Variants in GBE1 observed in about 807,000 individuals in gnomAD.
The protein encoded by GBE1 is 1,4-alpha-glucan branching enzyme 1.
Under a neutral mutation model 88.8 loss-of-function variants are expected in GBE1, and 70 were observed. The observed-to-expected ratio is 0.79, with a 90% CI of 0.65 to 0.96. GBE1 has a LOEUF of 0.96. Ranked by LOEUF, GBE1 falls within the 40% of genes least tolerant of loss-of-function variation. The probability of loss-of-function intolerance (pLI) is 0.00; values close to 1 mark genes in which losing one functional copy is unlikely to be tolerated. For missense variants in GBE1, 872 were observed against 871.0 expected, an observed-to-expected ratio of 1.00 and a Z score of -0.01; for synonymous variants, 284 against 300.1, an observed-to-expected ratio of 0.95 and a Z score of 0.56.
intron 1 of GBE1, among the ~76,000 whole-genome samples, chr3:81,723,073 G>A (rs779773847): frequency 5.3e-5 from 8 of 151,458 alleles, no homozygotes; most frequent in African/African-American, 1.7e-4. Context: ...TGAAAAAAAC[G>A]TGGTACCTGT....
intron 2 of GBE1, among the ~76,000 whole-genome samples, chr3:81,690,674 C>T (rs1705507255): frequency 6.6e-6 from 1 of 152,096 alleles, no homozygotes; most frequent in South Asian, 2.1e-4. Flanking sequence ...CCATGAAACA[C>T]AAATTTAAAT....
At chr3:81,524,444 C>T (rs1163342510) in intron 14 of GBE1, among the ~76,000 whole-genome samples, 1 of 151,860 alleles carries the variant, frequency 6.6e-6, no homozygotes, top group Non-Finnish European at 1.5e-5. Flanking sequence ...ATTGTCTCTT[C>T]CCTGTTTCCT....
At chr3:81,498,073 A>G (rs1702541290) in intron 15 of GBE1, among the ~76,000 whole-genome samples, 1 of 152,146 alleles carries the variant, frequency 6.6e-6, no homozygotes, top group Admixed American at 6.6e-5. Context: ...GGCAACACCT[A>G]ATTCTCATAG....
At chr3:81,555,419 A>G (rs992416528) in intron 12 of GBE1, among the ~76,000 whole-genome samples, 1 of 152,222 alleles carries the variant, frequency 6.6e-6, no homozygotes, top group African/African-American at 2.4e-5. Flanking sequence ...ACAAAGTTCT[A>G]AATGACAGAA....
intron 12 of GBE1, among the ~76,000 whole-genome samples, chr3:81,576,471 C>G (rs1236500610): frequency 6.6e-6 from 1 of 152,066 alleles, no homozygotes; most frequent in African/African-American, 2.4e-5. Flanking sequence ...CCTCAGTTTC[C>G]TTACTTTACA....
In GBE1 at chr3:81,705,540, AG is replaced by A. The variant is rs2107168870; in HGVS notation, c.216del (p.Tyr73MetfsTer70). 4.4e-6 allele frequency: 7 copies of A among 1,597,476 alleles called. No individual in the cohort carries two copies. Among genetic ancestry groups the A allele is most frequent in the Non-Finnish European group, 6.0e-6 (7 of 1,171,030 alleles). ...NEGGIDKFSR[G>X]YESFGVHRCA... ...CATCTGTGGACGCCAAATGATTCAT[AG>A]CCTCTGGAAAACTTATCAATACCAC... On this transcript the variant is annotated frameshift_variant, in exon 2 of 16. Transcript: ENST00000429644. LOFTEE classifies it high-confidence loss of function.
At chr3:81,737,768 A>G (rs887493619) in intron 1 of GBE1, among the ~76,000 whole-genome samples, 3 of 151,800 alleles carry the variant, frequency 2.0e-5, no homozygotes, top group African/African-American at 7.3e-5. Context: ...GTTTATTATT[A>G]TACTTTAAGT....
intron 12 of GBE1, among the ~76,000 whole-genome samples, chr3:81,556,391 A>G (rs1448834936): frequency 6.6e-6 from 1 of 152,114 alleles, no homozygotes; most frequent in Admixed American, 6.6e-5. Context: ...TTATGGCACA[A>G]CAGTTATTGG....
intron 14 of GBE1, among the ~76,000 whole-genome samples, chr3:81,520,118 G>C (rs1702853064): frequency 6.6e-6 from 1 of 151,372 alleles, no homozygotes. Context: ...AAAGGCCTCA[G>C]TCTCTACAAC....
chr3:81,499,099 A>G lies in GBE1; in HGVS notation c.2052+11T>C, dbSNP rs1702552579. 14 of 1,395,494 alleles carry G rather than the reference A, an allele frequency of 1.0e-5. No homozygotes were observed. In the East Asian group the frequency reaches 3.2e-4, roughly 32 times the overall value. 86.4% of individuals were successfully genotyped at this position (1,395,494 alleles called of 1,614,324 possible). On this transcript the variant is annotated intron_variant, in intron 15 of 15. Transcript: ENST00000429644. ...TAAAATAGCAGGAAATATGTTGAGA[A>G]ACTTACTTACCAAAAGAGAATAGGG...
intron 2 of GBE1, among the ~76,000 whole-genome samples, chr3:81,680,481 C>A (rs1428447916): frequency 1.5e-5 from 2 of 134,898 alleles, no homozygotes; most frequent in African/African-American, 5.7e-5. Flanking sequence ...GGGGACAGAG[C>A]GAGACTCCGT....
At position 81,750,600 on chromosome 3, in the gene GBE1, T is replaced by TAC. The variant is rs1491327301; in HGVS notation, c.143+10774_143+10775insGT. Among the ~76,000 whole-genome samples, 10 of 35,282 alleles carry TAC rather than the reference T, an allele frequency of 2.8e-4. 1 individual carries two copies. Among genetic ancestry groups the TAC allele is most frequent in the African/African-American group, 8.4e-4 (6 of 7,146 alleles). 23.1% of individuals were successfully genotyped at this position (35,282 alleles called of 152,430 possible). A position where few individuals can be genotyped will look rare whatever the true frequency, so the allele number is the denominator to read the frequency against. On this transcript the variant is annotated intron_variant, in intron 1 of 15. Coordinates refer to ENST00000429644, the MANE Select transcript of GBE1 (RefSeq NM_000158.4). Reference sequence around the variant, plus strand: ...ACGTATATATATACGTATATATATATGTGTATATATATATATGTATATATA... The same window carrying TAC: ...ACGTATATATATACGTATATATATATACGTGTATATATATATATGTATATATA...
chr3:81,549,911 T>A (rs1703250855), intron 12 of GBE1, among the ~76,000 whole-genome samples: 6 of 151,556 alleles, frequency 4.0e-5, no homozygotes. Context: ...TAGATTCTAG[T>A]CTCATCGGTT....
At chr3:81,651,729 C>A (rs1012302810) in intron 3 of GBE1, among the ~76,000 whole-genome samples, 1 of 152,188 alleles carries the variant, frequency 6.6e-6, no homozygotes, top group South Asian at 2.1e-4. Context: ...AATCTATCCA[C>A]CTATGCTTTC....
At chr3:81,553,287 C>A (rs975937007) in intron 12 of GBE1, among the ~76,000 whole-genome samples, 1 of 151,636 alleles carries the variant, frequency 6.6e-6, no homozygotes, top group Non-Finnish European at 1.5e-5. Flanking sequence ...TAAACTCCTG[C>A]AAAAAGGCTT....
chr3:81,607,632 T>C (rs1162585331), intron 7 of GBE1, among the ~76,000 whole-genome samples: 2 of 152,194 alleles, frequency 1.3e-5, no homozygotes, highest in Non-Finnish European at 2.9e-5. Flanking sequence ...CATATTATTT[T>C]AATTATTTGA....
intron 1 of GBE1, among the ~76,000 whole-genome samples, chr3:81,718,515 T>C (rs1382815053): frequency 2.6e-5 from 4 of 152,198 alleles, no homozygotes; most frequent in Admixed American, 2.6e-4. Context: ...TAAGCAATCT[T>C]GCTCAAGGTC....
At chr3:81,498,981 C>A (rs1341977606) in intron 15 of GBE1, 129 bp downstream of exon 15, 5 of 646,484 alleles carry the variant, frequency 7.7e-6, no homozygotes, top group African/African-American at 1.8e-5. Flanking sequence ...AGTCCCCTCT[C>A]CCTAACCCCT....
intron 1 of GBE1, among the ~76,000 whole-genome samples, chr3:81,760,307 A>T (rs1706661406): frequency 6.6e-6 from 1 of 152,236 alleles, no homozygotes; most frequent in South Asian, 2.1e-4. Context: ...GCTGATTTGA[A>T]TGCATTTAAT....
Sources: gnomAD v4.1 joint callset for allele counts (sites outside exome capture counted in the v4.1 genomes callset) on GRCh38, gnomAD v4.1.1 for gene constraint, MANE v1.5 for transcripts, NCBI Gene and HGNC (gene_info 2026-07-23, HGNC 2026-07-21) for gene names.